Variants in TNS3 observed in about 807,000 individuals in gnomAD.
TNS3 encodes tensin-3.
In TNS3, 45 loss-of-function variants were observed where a neutral mutation model predicts 140.9. The ratio of observed to expected loss-of-function variants is 0.32; its 90% CI spans 0.25 to 0.41. The LOEUF (loss-of-function observed/expected upper bound fraction) is 0.41. Ranked by LOEUF, TNS3 falls within the 10% of genes least tolerant of loss-of-function variation. The pLI is 1.00. For synonymous variants in TNS3, 815 were observed against 788.4 expected, an observed-to-expected ratio of 1.03 and a Z score of -0.56; for missense variants, 1,716 against 1,906.7, an observed-to-expected ratio of 0.90 and a Z score of 1.86.
intron 20 of TNS3, among the ~76,000 whole-genome samples, chr7:47,316,661 T>G (rs1787430801): frequency 6.6e-6 from 1 of 151,312 alleles, no homozygotes; most frequent in Non-Finnish European, 1.5e-5. Flanking sequence ...AAACACCGTC[T>G]CTATTCAAAA....
Position 47,303,372 on chromosome 7 carries a change from G to A in TNS3, c.3035C>T (p.Ala1012Val), listed in dbSNP as rs371933905. The A allele has an allele frequency of 5.7e-5, 92 of 1,613,494 alleles. No homozygotes were observed. Among genetic ancestry groups the A allele is most frequent in the Middle Eastern group, 3.3e-4 (2 of 6,052 alleles). ...CAGGAAGGCCTGGCTGCTGGGAGGC[G>A]CCAGGGAGTCCGGTGGCTCTGCTAG... ...LSLAEPPDSL[A>V]PPSSQAFLGF... Residue 1012 changes from alanine (A) to valine (V), a missense_variant, in exon 22 of 31, where the codon GCG becomes GTG. Transcript: ENST00000311160.
chr7:47,341,100 C>T (rs907868882), intron 20 of TNS3, among the ~76,000 whole-genome samples: 1 of 152,200 alleles, frequency 6.6e-6, no homozygotes, highest in Middle Eastern at 3.2e-3. Context: ...TCCCATTTGG[C>T]TACAGTGTGT....
intron 4 of TNS3, among the ~76,000 whole-genome samples, chr7:47,462,916 G>T (rs1796547631): frequency 6.6e-6 from 1 of 152,188 alleles, no homozygotes; most frequent in African/African-American, 2.4e-5. Flanking sequence ...TGTTCTCTCA[G>T]ATAGTAAAGC....
In TNS3 at chr7:47,405,861, G is replaced by C. The variant is rs193070546; in HGVS notation, c.724-4947C>G. Among the ~76,000 whole-genome samples the C allele has an allele frequency of 6.2e-3, 942 of 152,246 alleles. 12 individuals are homozygous for C. Among genetic ancestry groups the C allele is most frequent in the African/African-American group, 0.021 (893 of 41,536 alleles). ...GAGCAGGCAACACCTTTGTTTACAA[G>C]TCGGGTCACTGGAGCGAGGTTCTAG... On this transcript the variant is annotated intron_variant, in intron 13 of 30. Transcript: ENST00000311160.
intron 1 of TNS3, among the ~76,000 whole-genome samples, chr7:47,542,956 T>G (rs975019890): frequency 2.5e-4 from 37 of 149,116 alleles, no homozygotes; most frequent in Non-Finnish European, 3.4e-4. Context: ...ACTTTGCCTC[T>G]GATATTGAAA....
At chr7:47,524,808 C>CAAA (rs1354544006) in intron 2 of TNS3, among the ~76,000 whole-genome samples, 331 of 25,234 alleles carry the variant, frequency 0.013, 88 homozygotes, top group African/African-American at 0.023. Flanking sequence ...GACTCCGTCT[C>CAAA]AAGAAAAAAA....
chr7:47,292,769 C>G, intron 26 of TNS3, 59 bp downstream of exon 26: 1 of 1,441,582 alleles, frequency 6.9e-7, no homozygotes, highest in African/African-American at 1.4e-5. Context: ...TCTCTAAAAC[C>G]GGTGGCCTTG....
At chr7:47,487,398 G>A (rs948001907) in intron 3 of TNS3, among the ~76,000 whole-genome samples, 4 of 152,006 alleles carry the variant, frequency 2.6e-5, no homozygotes, top group African/African-American at 7.2e-5. Context: ...TCCTCTAATC[G>A]TTTCTTCCTG....
intron 11 of TNS3, 29 bp downstream of exon 11, chr7:47,415,065 G>A (rs756886241): frequency 1.8e-5 from 28 of 1,554,712 alleles, no homozygotes; most frequent in South Asian, 1.0e-4. Flanking sequence ...CCAGCCAATC[G>A]CAGGTGCCAC....
chr7:47,582,408 C>G (rs1043123380), upstream of TNS3: 1 of 456,438 alleles, frequency 2.2e-6, no homozygotes, highest in African/African-American at 2.0e-5. Context: ...CAGGTTCCGC[C>G]GGGCCGGTGT....
At chr7:47,513,540 A>G (rs1798678082) in intron 2 of TNS3, among the ~76,000 whole-genome samples, 2 of 152,372 alleles carry the variant, frequency 1.3e-5, no homozygotes, top group African/African-American at 4.8e-5. Flanking sequence ...GTAAACAGAA[A>G]TGCTGCAGGC....
At chr7:47,459,172 G>A (rs1223530236) in intron 4 of TNS3, among the ~76,000 whole-genome samples, 2 of 152,126 alleles carry the variant, frequency 1.3e-5, no homozygotes, top group Admixed American at 1.3e-4. Flanking sequence ...TATGAATGAT[G>A]CTATGAGAAA....
chr7:47,325,260 G>A (rs941001012), intron 20 of TNS3, among the ~76,000 whole-genome samples: 1 of 152,080 alleles, frequency 6.6e-6, no homozygotes, highest in Non-Finnish European at 1.5e-5. Flanking sequence ...AGAAAGCCAG[G>A]CATCCCACTG....
intron 2 of TNS3, among the ~76,000 whole-genome samples, chr7:47,526,243 C>A (rs777175378): frequency 6.6e-6 from 1 of 151,398 alleles, no homozygotes; most frequent in Non-Finnish European, 1.5e-5. Context: ...GGAAAAATTA[C>A]TCCTCAAGCA....
intron 24 of TNS3, among the ~76,000 whole-genome samples, chr7:47,295,151 C>A (rs1308776190): frequency 6.6e-6 from 1 of 152,184 alleles, no homozygotes; most frequent in Non-Finnish European, 1.5e-5. Flanking sequence ...CACTCGGTTT[C>A]CTCAAGTCTG....
intron 4 of TNS3, among the ~76,000 whole-genome samples, chr7:47,471,627 C>G (rs540796920): frequency 1.3e-5 from 2 of 152,234 alleles, no homozygotes; most frequent in Non-Finnish European, 2.9e-5. Context: ...CTTTTAAACA[C>G]GTTCCACTAA....
chr7:47,569,313 A>G (rs1480864787), intron 1 of TNS3, among the ~76,000 whole-genome samples: 4 of 150,996 alleles, frequency 2.6e-5, no homozygotes, highest in African/African-American at 9.7e-5. Flanking sequence ...GAGGCCGAGG[A>G]GGGTGGATCA....
At chr7:47,506,846 T>C (rs998320045) in intron 3 of TNS3, 61 bp downstream of exon 3, 25 of 1,226,116 alleles carry the variant, frequency 2.0e-5, no homozygotes, top group Non-Finnish European at 2.5e-5. Context: ...CCCACACATA[T>C]CATTCAATGA....
At chr7:47,350,743 G>C (rs1017353133) in intron 17 of TNS3, among the ~76,000 whole-genome samples, 1 of 152,186 alleles carries the variant, frequency 6.6e-6, no homozygotes, top group African/African-American at 2.4e-5. Context: ...TGGCTTAGGG[G>C]ATCCTACAGA....
Sources: gnomAD v4.1 joint callset for allele counts (sites outside exome capture counted in the v4.1 genomes callset) on GRCh38, gnomAD v4.1.1 for gene constraint, MANE v1.5 for transcripts, NCBI Gene and HGNC (gene_info 2026-07-23, HGNC 2026-07-21) for gene names.